The following WDR17 variants were observed in gnomAD, a reference collection of about 807,000 sequenced individuals.
WDR17 encodes WD repeat domain 17, also known as WD repeat-containing protein 17.
In WDR17, 143 loss-of-function variants were observed where a neutral mutation model predicts 161.7. The ratio of observed to expected loss-of-function variants is 0.88; its 90% CI spans 0.77 to 1.02. The LOEUF (loss-of-function observed/expected upper bound fraction) is 1.02, where lower values mean the gene tolerates loss of function less well. Among genes scored for constraint, WDR17 ranks in the 50% least tolerant of loss-of-function variants. WDR17 has a pLI of 0.00. For synonymous variants in WDR17, 517 were observed against 515.6 expected (o/e 1.00, Z -0.04); for missense variants, 1,469 against 1,520.9 (o/e 0.97, Z 0.57).
chr4:176,167,613 C>T (rs866146471), intron 22 of WDR17, among the ~76,000 whole-genome samples: 1 of 129,012 alleles, frequency 7.8e-6, no homozygotes. Flanking sequence ...CGCCACTGCA[C>T]TCCAGCCTGG....
chr4:176,098,898 A>T (rs1737342286), intron 1 of WDR17, among the ~76,000 whole-genome samples: 2 of 151,886 alleles, frequency 1.3e-5, no homozygotes, highest in Non-Finnish European at 2.9e-5. Context: ...CTGAATTTTA[A>T]AAGGATTTAA....
chr4:176,112,972 G>A (rs1011204047), intron 2 of WDR17, among the ~76,000 whole-genome samples: 2 of 152,020 alleles, frequency 1.3e-5, no homozygotes, highest in Admixed American at 1.3e-4. Flanking sequence ...TAGCATTAAT[G>A]TATAAAACAA....
chr4:176,105,362 C>A (rs759040080), intron 1 of WDR17, among the ~76,000 whole-genome samples: 11 of 151,882 alleles, frequency 7.2e-5, no homozygotes, highest in Non-Finnish European at 1.5e-4. Context: ...ATATATTAAT[C>A]CAATTAGATC....
intron 1 of WDR17, among the ~76,000 whole-genome samples, chr4:176,100,218 T>G (rs1442884314): frequency 1.3e-5 from 2 of 152,186 alleles, no homozygotes; most frequent in Non-Finnish European, 2.9e-5. Flanking sequence ...ATGAATTCTC[T>G]TTTCCCCATA....
chr4:176,086,198 C>T (rs1735394216), intron 1 of WDR17, among the ~76,000 whole-genome samples: 1 of 151,802 alleles, frequency 6.6e-6, no homozygotes, highest in Admixed American at 6.6e-5. Context: ...GTTAAATTTT[C>T]TTTATGGCTC....
At chr4:176,162,617 T>G (rs147816622) in intron 21 of WDR17, among the ~76,000 whole-genome samples, 56 of 152,286 alleles carry the variant, frequency 3.7e-4, no homozygotes, top group African/African-American at 1.3e-3. Context: ...CATATATTTG[T>G]TAGGATTATA....
At chr4:176,068,043 G>C (rs1732742596) in intron 1 of WDR17, among the ~76,000 whole-genome samples, 1 of 152,078 alleles carries the variant, frequency 6.6e-6, no homozygotes, top group African/African-American at 2.4e-5. Context: ...GAATTTCTTT[G>C]AAATCTAACA....
intron 23 of WDR17, among the ~76,000 whole-genome samples, chr4:176,172,153 A>G (rs1389553860): frequency 6.6e-6 from 1 of 152,184 alleles, no homozygotes; most frequent in East Asian, 1.9e-4. Context: ...GTGTGATGGA[A>G]AACTACTAAC....
intron 1 of WDR17, among the ~76,000 whole-genome samples, chr4:176,090,000 A>G (rs1735913625): frequency 6.6e-6 from 1 of 152,030 alleles, no homozygotes; most frequent in Non-Finnish European, 1.5e-5. Flanking sequence ...TATTTTATTA[A>G]ATACTGATAA....
At chr4:176,111,764 A>T in intron 2 of WDR17, 61 bp downstream of exon 2, 1 of 1,392,874 alleles carries the variant, frequency 7.2e-7, no homozygotes, top group Non-Finnish European at 9.5e-7. Context: ...TTTAATTAAT[A>T]CATATTTTAA....
intron 1 of WDR17, among the ~76,000 whole-genome samples, chr4:176,074,622 A>AT (rs1171960471): frequency 6.6e-6 from 1 of 151,446 alleles, no homozygotes; most frequent in African/African-American, 2.4e-5. Flanking sequence ...CACCTGGCTA[A>AT]TTTTTGTATT....
At chr4:176,128,511 A>C (rs13135535) in intron 5 of WDR17, among the ~76,000 whole-genome samples, 37,530 of 151,950 alleles carry the variant, frequency 0.25, 4,768 homozygotes, top group South Asian at 0.28. Flanking sequence ...CCGTTTCTAA[A>C]CCTATAAAAG....
At chr4:176,143,037 G>T (rs181383920) in intron 11 of WDR17, among the ~76,000 whole-genome samples, 16 of 152,078 alleles carry the variant, frequency 1.1e-4, no homozygotes, top group Admixed American at 9.8e-4. Context: ...GCGCCACCAC[G>T]CCCAGCTAAT....
chr4:176,177,699 CATGTTTA>C, intron 28 of WDR17, 45 bp downstream of exon 28: 1 of 1,520,690 alleles, frequency 6.6e-7, no homozygotes, highest in Admixed American at 2.5e-5. Context: ...CACCATTTTA[CATGTTTA>C]CTTTTTGAAA....
intron 22 of WDR17, chr4:176,166,200 T>C: frequency 3.6e-6 from 2 of 561,110 alleles, no homozygotes; most frequent in Non-Finnish European, 2.9e-6. Flanking sequence ...TACTCCTTTA[T>C]TTTATTATTT....
rs775680888 is a variant in WDR17 at position 176,150,459 on chromosome 4, A to G, written c.2179-9A>G. 15 of 1,589,134 alleles carry G rather than the reference A, an allele frequency of 9.4e-6. No individual in the cohort carries two copies. Among genetic ancestry groups the G allele is most frequent in the African/African-American group, 1.4e-5 (1 of 73,420 alleles). On this transcript the variant is annotated splice_polypyrimidine_tract_variant and intron_variant, in intron 15 of 28. Coordinates refer to ENST00000508596, the MANE Select transcript of WDR17 (RefSeq NM_181265.4). ...ACTATTCCATATTTATTTTTTGTCA[A>G]CTCTTTAGCCTCCAGGTGGCAGTGA...
intron 1 of WDR17, among the ~76,000 whole-genome samples, chr4:176,105,416 A>T (rs1012185475): frequency 6.6e-6 from 1 of 152,110 alleles, no homozygotes; most frequent in African/African-American, 2.4e-5. Flanking sequence ...CTGCATACAC[A>T]TTCTTCTTAA....
intron 4 of WDR17, among the ~76,000 whole-genome samples, chr4:176,120,988 A>G (rs1451934802): frequency 1.3e-5 from 2 of 152,174 alleles, no homozygotes; most frequent in Non-Finnish European, 2.9e-5. Flanking sequence ...ATTATATTCT[A>G]AATACATTTT....
chr4:176,109,753 G>C (rs1366439126), intron 1 of WDR17, among the ~76,000 whole-genome samples: 1 of 152,186 alleles, frequency 6.6e-6, no homozygotes, highest in Non-Finnish European at 1.5e-5. Flanking sequence ...GGAAGGTTCA[G>C]GGTGTACACT....
Sources: allele counts gnomAD v4.1 joint callset (sites outside exome capture counted in the v4.1 genomes callset), GRCh38; gene constraint gnomAD v4.1.1; transcripts MANE v1.5; gene names NCBI Gene and HGNC (gene_info 2026-07-23, HGNC 2026-07-21).